The following RBFOX1 variants were observed in gnomAD, a reference collection of about 807,000 sequenced individuals.
The protein encoded by RBFOX1 is RNA binding protein fox-1 homolog 1.
Under a neutral mutation model 57.7 loss-of-function variants are expected in RBFOX1, and 8 were observed. The ratio of observed to expected loss-of-function variants is 0.14; its 90% CI spans 0.08 to 0.25. The LOEUF is 0.25. Ranked by LOEUF, RBFOX1 falls within the 10% of genes least tolerant of loss-of-function variation. RBFOX1 has a pLI of 1.00. For synonymous variants in RBFOX1, 326 were observed against 222.4 expected, an observed-to-expected ratio of 1.47 and a Z score of -4.15; for missense variants, 611 against 548.5, an observed-to-expected ratio of 1.11 and a Z score of -1.14.
intron 2 of RBFOX1, among the ~76,000 whole-genome samples, chr16:6,613,215 C>T (rs945501345): frequency 6.6e-6 from 1 of 152,086 alleles, no homozygotes; most frequent in Non-Finnish European, 1.5e-5. Flanking sequence ...AGCAGCTCCC[C>T]CACTGTGCAC....
intron 2 of RBFOX1, among the ~76,000 whole-genome samples, chr16:6,369,775 G>T (rs2152889540): frequency 6.6e-6 from 1 of 152,208 alleles, no homozygotes; most frequent in African/African-American, 2.4e-5. Context: ...CAGACATGTT[G>T]CCTGGTTAAC....
chr16:7,248,556 A>C (rs1177145368), intron 4 of RBFOX1, among the ~76,000 whole-genome samples: 2 of 152,220 alleles, frequency 1.3e-5, no homozygotes, highest in African/African-American at 4.8e-5. Flanking sequence ...TTTACCTGTC[A>C]TCTCAGCCAT....
chr16:6,591,489 C>T (rs1052508661), intron 2 of RBFOX1, among the ~76,000 whole-genome samples: 2 of 152,076 alleles, frequency 1.3e-5, no homozygotes, highest in African/African-American at 2.4e-5. Flanking sequence ...TTGTGTTATG[C>T]ATATTATACA....
intron 1 of RBFOX1, among the ~76,000 whole-genome samples, chr16:6,100,154 TG>T (rs903720555): frequency 2.0e-4 from 30 of 150,608 alleles, no homozygotes; most frequent in Admixed American, 1.5e-3. Flanking sequence ...TTTTTGTTGT[TG>T]TTTTTTTTTG....
intron 4 of RBFOX1, among the ~76,000 whole-genome samples, chr16:7,505,880 T>G (rs2073097676): frequency 6.6e-6 from 1 of 152,128 alleles, no homozygotes; most frequent in African/African-American, 2.4e-5. Flanking sequence ...ACTTTAGAGT[T>G]CTTTGTTCAA....
intron 3 of RBFOX1, among the ~76,000 whole-genome samples, chr16:7,015,796 A>G (rs2093881814): frequency 1.3e-5 from 2 of 151,964 alleles, no homozygotes; most frequent in South Asian, 4.2e-4. Context: ...TCTGACTAAT[A>G]ACATTTTCTG....
intron 1 of RBFOX1, among the ~76,000 whole-genome samples, chr16:5,296,861 T>G (rs1189694461): frequency 6.6e-6 from 1 of 151,970 alleles, no homozygotes; most frequent in Non-Finnish European, 1.5e-5. Flanking sequence ...GTATTTTTAG[T>G]AGAGATAGGG....
intron 4 of RBFOX1, among the ~76,000 whole-genome samples, chr16:7,079,017 AG>A (rs1018018716): frequency 6.6e-6 from 1 of 151,632 alleles, no homozygotes; most frequent in Non-Finnish European, 1.5e-5. Flanking sequence ...ACTGGGAGTT[AG>A]GGTTTCAAAA....
At chr16:6,567,808 AT>A (rs915591294) in intron 2 of RBFOX1, among the ~76,000 whole-genome samples, 1 of 151,994 alleles carries the variant, frequency 6.6e-6, no homozygotes, top group Non-Finnish European at 1.5e-5. Context: ...AAACCCCACT[AT>A]TTTTTTAAAA....
At chr16:5,758,160 G>A (rs760506059) in intron 3 of RBFOX1, among the ~76,000 whole-genome samples, 5 of 152,182 alleles carry the variant, frequency 3.3e-5, no homozygotes, top group Non-Finnish European at 7.3e-5. Context: ...CCACTAATTA[G>A]CGTTTCTTCT....
At chr16:6,165,034 C>G (rs1597964183) in intron 1 of RBFOX1, among the ~76,000 whole-genome samples, 1 of 152,028 alleles carries the variant, frequency 6.6e-6, no homozygotes, top group East Asian at 1.9e-4. Context: ...TTTGTTTTAA[C>G]TTAAGCATTT....
chr16:5,985,487 C>T (rs1040454998), intron 4 of RBFOX1, among the ~76,000 whole-genome samples: 20 of 152,112 alleles, frequency 1.3e-4, no homozygotes, highest in Admixed American at 1.2e-3. Context: ...GGGCCCAAAG[C>T]CACAGAAGCT....
intron 2 of RBFOX1, among the ~76,000 whole-genome samples, chr16:6,481,577 A>T (rs925943171): frequency 2.4e-4 from 36 of 151,904 alleles, no homozygotes; most frequent in African/African-American, 8.5e-4. Context: ...TAATAATAAT[A>T]CTCTATATTT....
chr16:5,816,115 A>T (rs2055624785), intron 3 of RBFOX1, among the ~76,000 whole-genome samples: 1 of 152,164 alleles, frequency 6.6e-6, no homozygotes, highest in Non-Finnish European at 1.5e-5. Context: ...GGGTAGCATT[A>T]GTTCCAATTT....
At chr16:5,445,488 C>G (rs1023707217) in intron 1 of RBFOX1, among the ~76,000 whole-genome samples, 2 of 152,116 alleles carry the variant, frequency 1.3e-5, no homozygotes, top group Non-Finnish European at 1.5e-5. Context: ...GTTGGATAAA[C>G]AAAAGAATTT....
At chr16:5,512,534 C>T (rs2043638030) in intron 2 of RBFOX1, among the ~76,000 whole-genome samples, 1 of 152,102 alleles carries the variant, frequency 6.6e-6, no homozygotes, top group South Asian at 2.1e-4. Context: ...GGATTAGAAT[C>T]CCAGCTTTGT....
At chr16:5,538,144 G>T (rs2044774445) in intron 2 of RBFOX1, among the ~76,000 whole-genome samples, 1 of 152,224 alleles carries the variant, frequency 6.6e-6, no homozygotes, top group Non-Finnish European at 1.5e-5. Context: ...TCGGTAACTA[G>T]AAGGTCTGTA....
rs557907233 is a variant in RBFOX1 at position 6,724,977 on chromosome 16, A to G, written c.-16+70327A>G. 3.3e-5 allele frequency among the ~76,000 whole-genome samples: 5 copies of G among 151,586 alleles called. No homozygotes were observed. The South Asian group carries it at 1.0e-3, about 32-fold the overall frequency. On this transcript the variant is annotated intron_variant, in intron 3 of 15. Transcript: ENST00000550418. Reference sequence around the variant, plus strand: ...CTTTTGGCATGCAAATGCATTACAAATAGTGTATAATGAGTAATGGGGACA... The same window carrying G: ...CTTTTGGCATGCAAATGCATTACAAGTAGTGTATAATGAGTAATGGGGACA...
chr16:6,833,562 C>T (rs900301365), intron 3 of RBFOX1, among the ~76,000 whole-genome samples: 1 of 152,170 alleles, frequency 6.6e-6, no homozygotes, highest in African/African-American at 2.4e-5. Flanking sequence ...GACAGTCTGA[C>T]CGATCATTTC....
Sources: allele counts gnomAD v4.1 joint callset (sites outside exome capture counted in the v4.1 genomes callset), GRCh38; gene constraint gnomAD v4.1.1; transcripts MANE v1.5; gene names NCBI Gene and HGNC (gene_info 2026-07-23, HGNC 2026-07-21).